VPS41: variants seen among roughly 807,000 people sequenced by gnomAD.
VPS41 encodes the protein vacuolar protein sorting-associated protein 41 homolog.
A neutral mutation model predicts 130.9 loss-of-function variants in VPS41; 85 were observed. The observed-to-expected ratio is 0.65, with a 90% confidence interval of 0.55 to 0.78. The LOEUF is 0.78. VPS41 is among the 30% of genes least tolerant of loss of function. The pLI, the probability that VPS41 is intolerant of heterozygous loss-of-function variation, is 0.00. For synonymous variants in VPS41, 335 were observed against 332.9 expected, an observed-to-expected ratio of 1.01 and a Z score of -0.07; for missense variants, 874 against 1,018.7, an observed-to-expected ratio of 0.86 and a Z score of 1.93.
intron 3 of VPS41, among the ~76,000 whole-genome samples, chr7:38,868,107 C>G (rs1235841515): frequency 6.6e-6 from 1 of 152,052 alleles, no homozygotes; most frequent in Non-Finnish European, 1.5e-5. Flanking sequence ...CAAAGTGTGG[C>G]CTTATCAATG....
At chr7:38,826,174 T>C (rs1364387649) in intron 5 of VPS41, among the ~76,000 whole-genome samples, 3 of 152,158 alleles carry the variant, frequency 2.0e-5, no homozygotes, top group Admixed American at 6.5e-5. Context: ...TTCATTTAGT[T>C]ACGGGAAACT....
chr7:38,908,389 A>G (rs937578652), intron 1 of VPS41, among the ~76,000 whole-genome samples: 8 of 152,172 alleles, frequency 5.3e-5, no homozygotes, highest in Admixed American at 1.3e-4. Context: ...AATAATTCAT[A>G]TTCCCATCAC....
chr7:38,795,497 T>C lies in VPS41; in HGVS notation c.685A>G (p.Thr229Ala). 1.2e-6 allele frequency: 2 copies of C among 1,613,110 alleles called. No individual in the cohort carries two copies. The highest frequency in any genetic ancestry group is 1.7e-6 in the Non-Finnish European group (2 of 1,179,424). Residue 229 changes from threonine to alanine, a missense_variant, in exon 9 of 29, where the codon ACA becomes GCA. Physicochemically the swap from Thr to Ala is moderately conservative, Grantham distance 58. Coordinates refer to ENST00000310301, the MANE Select transcript of VPS41 (RefSeq NM_014396.4). ...PCSLCWKDNV[T>A]LIIGWGTSVK... ...GAAGTCCCCCAGCCAATAATCAGTGTCACATTGTCCTTCCAGCAGAGGCTG... is the reference window on the plus strand; with the variant it reads ...GAAGTCCCCCAGCCAATAATCAGTGCCACATTGTCCTTCCAGCAGAGGCTG...
chr7:38,797,172 G>A (rs1344737391), intron 7 of VPS41: 11 of 200,620 alleles, frequency 5.5e-5, no homozygotes, highest in Admixed American at 4.8e-4. Context: ...GATTTGTATC[G>A]CAAAAGTTCT....
At chr7:38,783,910 G>A (rs1784395451) in intron 10 of VPS41, among the ~76,000 whole-genome samples, 1 of 152,084 alleles carries the variant, frequency 6.6e-6, no homozygotes. Context: ...TTTATTACTT[G>A]TACCTCTGTC....
chr7:38,873,654 C>T (rs1036091642), intron 2 of VPS41, among the ~76,000 whole-genome samples: 2 of 152,064 alleles, frequency 1.3e-5, no homozygotes, highest in Non-Finnish European at 2.9e-5. Context: ...TGCAGCTAAG[C>T]GAAGATATGA....
intron 22 of VPS41, chr7:38,746,106 T>G (rs527793601): frequency 6.5e-6 from 1 of 153,142 alleles, no homozygotes; most frequent in East Asian, 1.9e-4. Context: ...TGATTGAATT[T>G]ACTAGGAATA....
intron 23 of VPS41, among the ~76,000 whole-genome samples, chr7:38,744,355 C>A (rs1231621768): frequency 1.3e-5 from 2 of 152,174 alleles, no homozygotes; most frequent in African/African-American, 2.4e-5. Context: ...AGTAAAGGAT[C>A]TTGAATCCTT....
At chr7:38,729,740 G>A (rs2115558933) in intron 25 of VPS41, among the ~76,000 whole-genome samples, 1 of 152,164 alleles carries the variant, frequency 6.6e-6, no homozygotes, top group East Asian at 1.9e-4. Context: ...GGCACGATGG[G>A]GTCCAAGATC....
chr7:38,836,430 A>T (rs1785494029), intron 4 of VPS41, among the ~76,000 whole-genome samples: 1 of 152,098 alleles, frequency 6.6e-6, no homozygotes, highest in South Asian at 2.1e-4. Context: ...AAAGCTAGTT[A>T]ATACATCAGT....
At chr7:38,859,459 G>A (rs1786055041) in intron 4 of VPS41, among the ~76,000 whole-genome samples, 1 of 151,968 alleles carries the variant, frequency 6.6e-6, no homozygotes, top group South Asian at 2.1e-4. Context: ...TAAGTCTCCT[G>A]TACAGATGTA....
chr7:38,889,711 G>A (rs1455658864), intron 2 of VPS41, among the ~76,000 whole-genome samples: 1 of 152,026 alleles, frequency 6.6e-6, no homozygotes, highest in African/African-American at 2.4e-5. Flanking sequence ...AGGAACAGTA[G>A]AAGATAGAAG....
chr7:38,865,353 A>T (rs1786206247), intron 3 of VPS41, among the ~76,000 whole-genome samples: 1 of 152,172 alleles, frequency 6.6e-6, no homozygotes, highest in Non-Finnish European at 1.5e-5. Flanking sequence ...GTTTACGTAC[A>T]ATGTTAATGA....
intron 22 of VPS41, among the ~76,000 whole-genome samples, chr7:38,748,219 G>A (rs561875180): frequency 3.3e-5 from 5 of 152,140 alleles, no homozygotes; most frequent in East Asian, 1.9e-4. Context: ...ACATGCGCGC[G>A]CGTGCGCGCA....
chr7:38,777,631 C>T (rs1451589786), intron 10 of VPS41, among the ~76,000 whole-genome samples: 1 of 152,234 alleles, frequency 6.6e-6, no homozygotes, highest in Non-Finnish European at 1.5e-5. Flanking sequence ...TCATACTCTA[C>T]ACTTCACAGA....
chr7:38,904,529 C>T (rs908061808), intron 1 of VPS41, among the ~76,000 whole-genome samples: 19 of 152,160 alleles, frequency 1.2e-4, no homozygotes, highest in African/African-American at 4.3e-4. Flanking sequence ...ATTGTGCATA[C>T]GTAAGCCAAG....
chr7:38,906,185 T>C (rs1787257315), intron 1 of VPS41, among the ~76,000 whole-genome samples: 1 of 152,182 alleles, frequency 6.6e-6, no homozygotes, highest in Admixed American at 6.5e-5. Flanking sequence ...GGCTTCCTAC[T>C]GTGAAATGCA....
intron 14 of VPS41, among the ~76,000 whole-genome samples, chr7:38,769,619 G>A (rs1784115865): frequency 6.6e-6 from 1 of 152,154 alleles, no homozygotes; most frequent in Non-Finnish European, 1.5e-5. Context: ...CACCAAACCA[G>A]AGGCCCAAGC....
At chr7:38,836,223 TG>T (rs1277280375) in intron 4 of VPS41, among the ~76,000 whole-genome samples, 1 of 152,094 alleles carries the variant, frequency 6.6e-6, no homozygotes, top group African/African-American at 2.4e-5. Flanking sequence ...AACAATTAGA[TG>T]CTGTTGATCT....
Sources: gnomAD v4.1 joint callset for allele counts (sites outside exome capture counted in the v4.1 genomes callset) on GRCh38, gnomAD v4.1.1 for gene constraint, MANE v1.5 for transcripts, NCBI Gene and HGNC (gene_info 2026-07-23, HGNC 2026-07-21) for gene names.